Variants in VAV3 observed in about 807,000 individuals in gnomAD.
VAV3 encodes vav guanine nucleotide exchange factor 3.
VAV3 carries 94 observed loss-of-function variants against 131.2 expected under a neutral mutation model. That is an observed-to-expected ratio of 0.72 (90% CI 0.61 to 0.85). VAV3 has a LOEUF of 0.85. Among genes scored for constraint, VAV3 ranks in the 40% least tolerant of loss-of-function variants. VAV3 has a pLI of 0.00. For missense variants in VAV3, 939 were observed against 1,002.7 expected (o/e 0.94, Z 0.86); for synonymous variants, 349 against 342.0 (o/e 1.02, Z -0.22).
chr1:107,612,582 C>T (rs1652839428), intron 21 of VAV3, among the ~76,000 whole-genome samples: 1 of 151,972 alleles, frequency 6.6e-6, no homozygotes, highest in Non-Finnish European at 1.5e-5. Context: ...GTTGATCTCC[C>T]TTCATTCTCT....
At chr1:107,789,986 A>G (rs1324957920) in intron 2 of VAV3, among the ~76,000 whole-genome samples, 1 of 152,214 alleles carries the variant, frequency 6.6e-6, no homozygotes, top group African/African-American at 2.4e-5. Flanking sequence ...AAAACCCTTC[A>G]GAGCACCCAG....
At chr1:107,708,846 C>T (rs1012756945) in intron 15 of VAV3, among the ~76,000 whole-genome samples, 1 of 152,046 alleles carries the variant, frequency 6.6e-6, no homozygotes, top group African/African-American at 2.4e-5. Flanking sequence ...ATTTTTCCTT[C>T]CCTGAAATCA....
At chr1:107,596,122 T>C (rs1651361143) in intron 25 of VAV3, 90 bp downstream of exon 25, 1 of 1,520,668 alleles carries the variant, frequency 6.6e-7, no homozygotes, top group Non-Finnish European at 8.9e-7. Flanking sequence ...CCATTGGTTA[T>C]ATTTTAAAAT....
rs921562889 is a variant in VAV3 at position 107,829,835 on chromosome 1, A to G, written c.321+45066T>C. ...TCAAAAGAGATCGCAGATTTGCTCC[A>G]TATCATTTAATCAGAACAAACAAGG... On this transcript the variant is annotated intron_variant, in intron 2 of 26. Transcript: ENST00000370056. 1.3e-3 allele frequency among the ~76,000 whole-genome samples: 199 copies of G among 150,180 alleles called. 1 individual carries two copies. Among genetic ancestry groups the G allele is most frequent in the South Asian group, 2.1e-3 (10 of 4,696 alleles).
chr1:107,796,215 C>T (rs1458258124), intron 2 of VAV3, among the ~76,000 whole-genome samples: 1 of 152,112 alleles, frequency 6.6e-6, no homozygotes, highest in African/African-American at 2.4e-5. Context: ...GCAGCCCTGA[C>T]TTTCAGTGAG....
intron 15 of VAV3, among the ~76,000 whole-genome samples, chr1:107,733,494 A>G (rs897958022): frequency 2.6e-5 from 4 of 152,226 alleles, no homozygotes; most frequent in African/African-American, 9.6e-5. Flanking sequence ...AAACCTTGAA[A>G]AAAGATTAGA....
intron 20 of VAV3, among the ~76,000 whole-genome samples, chr1:107,620,580 A>G (rs1160529468): frequency 6.6e-6 from 1 of 152,144 alleles, no homozygotes; most frequent in Non-Finnish European, 1.5e-5. Flanking sequence ...ACTGTCATTA[A>G]GTAACTCATG....
intron 2 of VAV3, among the ~76,000 whole-genome samples, chr1:107,803,047 T>C (rs1164598237): frequency 6.6e-6 from 1 of 152,044 alleles, no homozygotes; most frequent in Non-Finnish European, 1.5e-5. Flanking sequence ...AAGTTTTCTA[T>C]TTCTTCGTGG....
chr1:107,750,351 G>A (rs1663635741), intron 13 of VAV3, among the ~76,000 whole-genome samples: 1 of 152,104 alleles, frequency 6.6e-6, no homozygotes, highest in African/African-American at 2.4e-5. Flanking sequence ...ACGTAACTTG[G>A]GGGAGAAAAT....
intron 17 of VAV3, among the ~76,000 whole-genome samples, chr1:107,698,701 C>T (rs140295922): frequency 1.1e-3 from 161 of 152,224 alleles, no homozygotes; most frequent in African/African-American, 3.3e-3. Context: ...GGAAGAAATA[C>T]CTGAGACTGG....
chr1:107,768,324 A>G lies in VAV3; in HGVS notation c.717+117T>C, dbSNP rs1664848302. 4.4e-6 allele frequency: 3 copies of G among 687,496 alleles called. No individual in the cohort carries two copies. The East Asian group carries it at 9.5e-5, about 22-fold the overall frequency. The allele number at this position is 687,496 out of a possible 1,614,324, so 42.6% of individuals were successfully genotyped here. A position where few individuals can be genotyped will look rare whatever the true frequency, so the allele number is the denominator to read the frequency against. On this transcript the variant is annotated intron_variant, in intron 7 of 26. Transcript: ENST00000370056. ...CTGGAAAAGCAAAAAATAAATAAAT[A>G]AGGCCAATATTCTTAAATAATACAA...
In VAV3 at chr1:107,789,558, A is replaced by T. The variant is rs543088536; in HGVS notation, c.322-10066T>A. ...TCTGTGTTCTCGCTGGTTTGGTAAC[A>T]GTGGTCATTTCATACACTGCTTGAA... On this transcript the variant is annotated intron_variant, in intron 2 of 26. Transcript: ENST00000370056. Among the ~76,000 whole-genome samples, 24 of 152,340 alleles carry T rather than the reference A, an allele frequency of 1.6e-4. No homozygotes were observed. The South Asian group carries it at 3.5e-3, about 22-fold the overall frequency.
intron 15 of VAV3, among the ~76,000 whole-genome samples, chr1:107,716,540 T>G (rs1173742923): frequency 2.0e-5 from 3 of 152,366 alleles, no homozygotes; most frequent in South Asian, 4.1e-4. Context: ...TTACGTTTAT[T>G]CATTTGCATA....
chr1:107,795,614 C>T (rs769258418), intron 2 of VAV3, among the ~76,000 whole-genome samples: 2 of 152,092 alleles, frequency 1.3e-5, no homozygotes, highest in East Asian at 1.9e-4. Context: ...AGGTTATTTC[C>T]CCCAGAGAAT....
intron 1 of VAV3, among the ~76,000 whole-genome samples, chr1:107,907,687 G>GCT (rs146500892): frequency 6.4e-4 from 96 of 149,350 alleles, no homozygotes; most frequent in African/African-American, 1.4e-3. Context: ...ACACACACGC[G>GCT]CTCTCTCTCT....
intron 20 of VAV3, 76 bp from the exon 21 acceptor site, chr1:107,617,708 G>T: frequency 1.6e-6 from 2 of 1,286,780 alleles, no homozygotes; most frequent in Non-Finnish European, 2.2e-6. Flanking sequence ...CCCATACATA[G>T]CACTGTTACT....
At chr1:107,954,772 G>C (rs796565519) in intron 1 of VAV3, among the ~76,000 whole-genome samples, 1 of 149,984 alleles carries the variant, frequency 6.7e-6, no homozygotes, top group African/African-American at 2.5e-5. Context: ...CATGGGAGGG[G>C]GGGAAATTCA....
intron 1 of VAV3, among the ~76,000 whole-genome samples, chr1:107,877,174 T>A (rs1372605168): frequency 6.6e-6 from 1 of 152,144 alleles, no homozygotes; most frequent in Non-Finnish European, 1.5e-5. Context: ...GCTTTCACTT[T>A]AAAAAATTCA....
intron 2 of VAV3, among the ~76,000 whole-genome samples, chr1:107,783,688 A>T (rs909900640): frequency 1.6e-4 from 25 of 152,090 alleles, no homozygotes; most frequent in Non-Finnish European, 2.4e-4. Flanking sequence ...GTGTCCCCAT[A>T]GGACCCCGGA....
Sources: allele counts gnomAD v4.1 joint callset (sites outside exome capture counted in the v4.1 genomes callset), GRCh38; gene constraint gnomAD v4.1.1; transcripts MANE v1.5; gene names NCBI Gene and HGNC (gene_info 2026-07-23, HGNC 2026-07-21).